Variants in ULK4 observed in about 807,000 individuals in gnomAD.
ULK4 encodes the protein unc-51 like kinase 4, also known as inactive serine/threonine-protein kinase ULK4.
In ULK4, 133 loss-of-function variants were observed where a neutral mutation model predicts 160.6. The observed-to-expected ratio is 0.83, with a 90% CI of 0.72 to 0.96. ULK4 has a LOEUF of 0.96. Ranked by LOEUF, ULK4 falls within the 40% of genes least tolerant of loss-of-function variation. The pLI, the probability that ULK4 is intolerant of heterozygous loss-of-function variation, is 0.00. For synonymous variants in ULK4, 534 were observed against 539.8 expected (o/e 0.99, Z 0.15); for missense variants, 1,580 against 1,499.5 (o/e 1.05, Z -0.89).
chr3:41,288,918 G>A lies in ULK4; in HGVS notation c.3679-39344C>T, dbSNP rs2079510037. 2.6e-5 allele frequency among the ~76,000 whole-genome samples: 4 copies of A among 152,206 alleles called. No homozygotes were observed. The South Asian group carries it at 8.3e-4, about 32-fold the overall frequency. ...ATGGTCAAAGATGGTACATCTTTGG[G>A]CCTCACTCTGTTCAGGTTCACGATG... On this transcript the variant is annotated intron_variant, in intron 35 of 36. Transcript: ENST00000301831.
At chr3:41,599,025 C>T (rs2031880774) in intron 31 of ULK4, among the ~76,000 whole-genome samples, 1 of 152,202 alleles carries the variant, frequency 6.6e-6, no homozygotes, top group South Asian at 2.1e-4. Flanking sequence ...CTGTGGCACC[C>T]TTCCAACATC....
chr3:41,572,487 A>T (rs1267087), intron 31 of ULK4, among the ~76,000 whole-genome samples: 94,590 of 151,758 alleles, frequency 0.62, 30,457 homozygotes, highest in Admixed American at 0.73. Context: ...CTGTAAGATA[A>T]ATAACCCACA....
chr3:41,473,450 T>C (rs1227726887), intron 32 of ULK4, among the ~76,000 whole-genome samples: 1 of 151,816 alleles, frequency 6.6e-6, no homozygotes, highest in Non-Finnish European at 1.5e-5. Flanking sequence ...TCACTTGCAG[T>C]CAGGAGTTCA....
At chr3:41,824,840 G>C (rs1305165924) in intron 18 of ULK4, among the ~76,000 whole-genome samples, 1 of 152,184 alleles carries the variant, frequency 6.6e-6, no homozygotes, top group Non-Finnish European at 1.5e-5. Flanking sequence ...CACACAGCTG[G>C]AGATCTGAGA....
At chr3:41,306,772 A>G (rs1431687276) in intron 35 of ULK4, among the ~76,000 whole-genome samples, 2 of 151,618 alleles carry the variant, frequency 1.3e-5, no homozygotes, top group African/African-American at 4.9e-5. Context: ...AGAAGTAAAC[A>G]TGGGAGACTT....
intron 17 of ULK4, among the ~76,000 whole-genome samples, chr3:41,873,095 T>C (rs972188166): frequency 6.6e-6 from 1 of 152,140 alleles, no homozygotes; most frequent in Admixed American, 6.5e-5. Flanking sequence ...AAGGCTGCAG[T>C]GAGCCAAGAT....
At chr3:41,602,251 AAAAGGAAAGGAAAGGAAAG>A (rs2032117539) in intron 31 of ULK4, among the ~76,000 whole-genome samples, 1 of 86,704 alleles carries the variant, frequency 1.2e-5, no homozygotes, top group Non-Finnish European at 2.3e-5. Context: ...AAGGAAGAGA[AAAAGGAAAGGAAAGGAAAG>A]GAAAGGAAAG....
intron 34 of ULK4, among the ~76,000 whole-genome samples, chr3:41,446,128 C>T (rs1365315594): frequency 6.6e-6 from 1 of 152,130 alleles, no homozygotes; most frequent in Non-Finnish European, 1.5e-5. Flanking sequence ...GAAAAAAATG[C>T]TCATCATCAC....
intron 32 of ULK4, among the ~76,000 whole-genome samples, chr3:41,490,190 T>A (rs1575299014): frequency 6.6e-6 from 1 of 152,184 alleles, no homozygotes; most frequent in South Asian, 2.1e-4. Context: ...TCTCTCTGCC[T>A]CTGATCTCCA....
At chr3:41,854,297 C>G (rs2042283736) in intron 17 of ULK4, 1 of 152,248 alleles carries the variant, frequency 6.6e-6, no homozygotes. Context: ...GGGAGACTGT[C>G]TTAATGAAGG....
chr3:41,368,877 T>TA (rs879501510), intron 35 of ULK4, among the ~76,000 whole-genome samples: 1 of 152,300 alleles, frequency 6.6e-6, no homozygotes, highest in South Asian at 2.1e-4. Context: ...CTTTTGTAAT[T>TA]AAAAAAATAC....
At chr3:41,587,140 A>C (rs2030881735) in intron 31 of ULK4, among the ~76,000 whole-genome samples, 1 of 152,158 alleles carries the variant, frequency 6.6e-6, no homozygotes, top group African/African-American at 2.4e-5. Context: ...TGGTTGTAAG[A>C]CTGAAGTGTC....
intron 32 of ULK4, among the ~76,000 whole-genome samples, chr3:41,529,447 G>A (rs1239333752): frequency 6.6e-6 from 1 of 152,156 alleles, no homozygotes; most frequent in East Asian, 1.9e-4. Context: ...AACACCTGAT[G>A]AAAATAAGCC....
At chr3:41,551,327 C>A (rs2087056276) in intron 32 of ULK4, among the ~76,000 whole-genome samples, 1 of 150,206 alleles carries the variant, frequency 6.7e-6, no homozygotes, top group African/African-American at 2.4e-5. Context: ...TATAAAGGAT[C>A]AACAAAAGGA....
At chr3:41,736,190 C>T (rs915802968) in intron 22 of ULK4, among the ~76,000 whole-genome samples, 2 of 151,628 alleles carry the variant, frequency 1.3e-5, no homozygotes, top group Non-Finnish European at 2.9e-5. Context: ...GATTTATAAT[C>T]CTTTGGGTAT....
chr3:41,672,290 A>G lies in ULK4; in HGVS notation c.2979-8591T>C, dbSNP rs560493454. On this transcript the variant is annotated intron_variant, in intron 29 of 36. Coordinates refer to ENST00000301831, the MANE Select transcript of ULK4 (RefSeq NM_017886.4). ...TCCCATGTTTCTTGCAGTGCTATTC[A>G]CAATAGCAAAGATCAGGAATCAACC... 2.4e-4 allele frequency among the ~76,000 whole-genome samples: 36 copies of G among 152,316 alleles called. No individual in the cohort carries two copies. In the Middle Eastern group the frequency reaches 0.017, roughly 72 times the overall value.
At chr3:41,489,134 T>G (rs542992492) in intron 32 of ULK4, among the ~76,000 whole-genome samples, 43 of 152,278 alleles carry the variant, frequency 2.8e-4, no homozygotes, top group African/African-American at 9.9e-4. Flanking sequence ...ATTTCTCAAT[T>G]CCTAAGGAAA....
chr3:41,850,681 T>G (rs2042188918), intron 17 of ULK4, among the ~76,000 whole-genome samples: 1 of 152,200 alleles, frequency 6.6e-6, no homozygotes, highest in South Asian at 2.1e-4. Context: ...TAAATTTGTT[T>G]GCGTTCATTG....
chr3:41,857,082 C>T (rs1165836459), intron 17 of ULK4, among the ~76,000 whole-genome samples: 1 of 152,124 alleles, frequency 6.6e-6, no homozygotes, highest in Non-Finnish European at 1.5e-5. Context: ...CTCTCTCCCT[C>T]AAAGAGATCC....
Sources: allele counts gnomAD v4.1 joint callset (sites outside exome capture counted in the v4.1 genomes callset), GRCh38; gene constraint gnomAD v4.1.1; transcripts MANE v1.5; gene names NCBI Gene and HGNC (gene_info 2026-07-23, HGNC 2026-07-21).